The following RBPJ variants were observed in gnomAD, a reference collection of about 807,000 sequenced individuals.
RBPJ encodes the protein recombination signal binding protein for immunoglobulin kappa J region.
RBPJ carries 9 observed loss-of-function variants against 67.8 expected under a neutral mutation model. The observed-to-expected ratio is 0.13, with a 90% CI of 0.08 to 0.23. RBPJ has a LOEUF of 0.23. Ranked by LOEUF, RBPJ falls within the 10% of genes least tolerant of loss-of-function variation. The pLI is 1.00. For missense variants in RBPJ, 305 were observed against 595.6 expected, an observed-to-expected ratio of 0.51 and a Z score of 5.08; for synonymous variants, 198 against 203.3, an observed-to-expected ratio of 0.97 and a Z score of 0.22.
At chr4:26,226,059 G>T (rs2109197588) in intron 1 of RBPJ, among the ~76,000 whole-genome samples, 1 of 150,846 alleles carries the variant, frequency 6.6e-6, no homozygotes, top group South Asian at 2.1e-4. Context: ...TGAAGCAGGA[G>T]AATTGCTTGA....
chr4:26,326,094 GA>G (rs1232935534), intron 1 of RBPJ, among the ~76,000 whole-genome samples: 1 of 152,074 alleles, frequency 6.6e-6, no homozygotes, highest in East Asian at 1.9e-4. Flanking sequence ...TCAGTGCTTT[GA>G]AATCTTGGTG....
At chr4:26,358,015 G>A (rs1230708648) in intron 1 of RBPJ, among the ~76,000 whole-genome samples, 1 of 126,950 alleles carries the variant, frequency 7.9e-6, no homozygotes, top group East Asian at 2.4e-4. Context: ...TTTTGAGGGG[G>A]TATTCGTGTG....
At chr4:26,373,834 G>A (rs958751903) in intron 1 of RBPJ, among the ~76,000 whole-genome samples, 1 of 151,290 alleles carries the variant, frequency 6.6e-6, no homozygotes. Context: ...CTTTATGTGT[G>A]TATGTATGTA....
At chr4:26,150,893 C>A in the RBPJ span, among the ~76,000 whole-genome samples, 2 of 152,210 alleles carry the variant, frequency 1.3e-5, no homozygotes, top group Admixed American at 1.3e-4. Flanking sequence ...GTATGCCATG[C>A]AGCATCAGAC....
upstream of RBPJ, among the ~76,000 whole-genome samples, chr4:26,317,485 G>C (rs142355342): frequency 3.7e-4 from 57 of 152,262 alleles, no homozygotes; most frequent in African/African-American, 1.2e-3. Flanking sequence ...CAGTAGGCAA[G>C]ATTGTCTAAG....
intron 1 of RBPJ, among the ~76,000 whole-genome samples, chr4:26,179,780 C>T (rs1716916728): frequency 6.6e-6 from 1 of 152,184 alleles, no homozygotes; most frequent in Non-Finnish European, 1.5e-5. Context: ...GGGCTAAAGA[C>T]AAGAACTAGC....
the RBPJ span, among the ~76,000 whole-genome samples, chr4:26,136,003 G>A: frequency 6.6e-6 from 1 of 152,206 alleles, no homozygotes; most frequent in Admixed American, 6.5e-5. Flanking sequence ...CACAATCACA[G>A]TGGAAGGCAA....
chr4:26,263,918 A>C (rs1427818387), intron 1 of RBPJ, among the ~76,000 whole-genome samples: 1 of 148,408 alleles, frequency 6.7e-6, no homozygotes, highest in African/African-American at 2.5e-5. Flanking sequence ...TCTGTCCCCC[A>C]GGTTGGAGTG....
intron 1 of RBPJ, among the ~76,000 whole-genome samples, chr4:26,252,590 G>C (rs1371190800): frequency 1.3e-5 from 2 of 152,032 alleles, no homozygotes; most frequent in East Asian, 1.9e-4. Context: ...CTGACTCAAA[G>C]AGAGAGAGAG....
chr4:26,294,985 C>T (rs1294611560), intron 1 of RBPJ, among the ~76,000 whole-genome samples: 1 of 152,154 alleles, frequency 6.6e-6, no homozygotes, highest in Non-Finnish European at 1.5e-5. Context: ...AGGGATAAAC[C>T]GTGAACCCCT....
At chr4:26,148,961 G>C in the RBPJ span, among the ~76,000 whole-genome samples, 5 of 152,210 alleles carry the variant, frequency 3.3e-5, no homozygotes, top group African/African-American at 1.2e-4. Flanking sequence ...AAAGAGAGTG[G>C]TAAGTAGCAG....
intron 1 of RBPJ, among the ~76,000 whole-genome samples, chr4:26,283,164 C>T (rs1217607811): frequency 2.8e-5 from 4 of 145,442 alleles, no homozygotes; most frequent in South Asian, 2.2e-4. Flanking sequence ...CTCCTGACCT[C>T]GTAATCCACC....
At chr4:26,315,712 G>A (rs933843652), upstream of RBPJ, among the ~76,000 whole-genome samples, 1 of 152,106 alleles carries the variant, frequency 6.6e-6, no homozygotes, top group African/African-American at 2.4e-5. Flanking sequence ...GGGTACTGCA[G>A]GGGACCAGGG....
intron 5 of RBPJ, among the ~76,000 whole-genome samples, chr4:26,421,696 C>T (rs1319915468): frequency 1.3e-5 from 2 of 152,120 alleles, no homozygotes; most frequent in African/African-American, 4.8e-5. Flanking sequence ...ACCACCAACA[C>T]CTCTTCGTCT....
intron 1 of RBPJ, among the ~76,000 whole-genome samples, chr4:26,216,575 T>C (rs1718728698): frequency 1.3e-5 from 2 of 151,848 alleles, no homozygotes; most frequent in Non-Finnish European, 2.9e-5. Flanking sequence ...TCTGGGGTGA[T>C]GTTTGGACTT....
At chr4:26,242,860 G>A (rs542926332) in intron 1 of RBPJ, among the ~76,000 whole-genome samples, 17 of 152,244 alleles carry the variant, frequency 1.1e-4, no homozygotes, top group African/African-American at 3.6e-4. Context: ...CATAAAGCAC[G>A]TGTGCTGCAT....
chr4:26,125,853 C>T, the RBPJ span, among the ~76,000 whole-genome samples: 18 of 151,986 alleles, frequency 1.2e-4, no homozygotes, highest in South Asian at 1.0e-3. Flanking sequence ...ACCCTCATGG[C>T]GGATTATAGG....
the RBPJ span, among the ~76,000 whole-genome samples, chr4:26,119,948 A>G: frequency 2.6e-5 from 4 of 152,238 alleles, no homozygotes; most frequent in African/African-American, 9.6e-5. Flanking sequence ...AGGGCTTTGT[A>G]CCTGAGGCAA....
At chr4:26,252,886 C>T (rs547790532) in intron 1 of RBPJ, among the ~76,000 whole-genome samples, 1 of 152,288 alleles carries the variant, frequency 6.6e-6, no homozygotes, top group South Asian at 2.1e-4. Context: ...ATTAGAAAGC[C>T]TGGGCCTAGG....
Sources: gnomAD v4.1 joint callset for allele counts (sites outside exome capture counted in the v4.1 genomes callset) on GRCh38, gnomAD v4.1.1 for gene constraint, MANE v1.5 for transcripts, NCBI Gene and HGNC (gene_info 2026-07-23, HGNC 2026-07-21) for gene names.